The following NARS2 variants were observed in gnomAD, a reference collection of about 807,000 sequenced individuals.
The protein encoded by NARS2 is asparaginyl-tRNA synthetase 2, mitochondrial, also known as asparaginyl-tRNA synthetase.
A neutral mutation model predicts 62.9 loss-of-function variants in NARS2; 60 were observed. That is an observed-to-expected ratio of 0.95 (90% CI 0.77 to 1.18). The LOEUF is 1.18. Ranked by LOEUF, NARS2 falls within the 50% of genes most tolerant of loss-of-function variation. The pLI, the probability that NARS2 is intolerant of heterozygous loss-of-function variation, is 0.00. For synonymous variants in NARS2, 196 were observed against 200.0 expected, an observed-to-expected ratio of 0.98 and a Z score of 0.17; for missense variants, 619 against 576.4, an observed-to-expected ratio of 1.07 and a Z score of -0.76.
intron 7 of NARS2, among the ~76,000 whole-genome samples, chr11:78,488,589 C>A (rs12295220): frequency 6.8e-4 from 103 of 152,188 alleles, no homozygotes; most frequent in African/African-American, 2.2e-3. Context: ...ATAATAAATT[C>A]GAGTTGTTTT....
intron 4 of NARS2, among the ~76,000 whole-genome samples, chr11:78,565,284 A>G (rs1400320985): frequency 6.6e-6 from 1 of 152,236 alleles, no homozygotes; most frequent in East Asian, 1.9e-4. Flanking sequence ...TTTACACAAA[A>G]TATAGATCTA....
intron 6 of NARS2, among the ~76,000 whole-genome samples, chr11:78,494,476 T>C (rs966340145): frequency 1.3e-5 from 2 of 149,740 alleles, no homozygotes; most frequent in African/African-American, 2.4e-5. Flanking sequence ...TTTCTTTTTT[T>C]TTTTTTTTTT....
intron 6 of NARS2, among the ~76,000 whole-genome samples, chr11:78,514,565 A>AT (rs1186225341): frequency 1.3e-5 from 2 of 152,224 alleles, no homozygotes; most frequent in African/African-American, 4.8e-5. Flanking sequence ...CTCACTGGGA[A>AT]TTTTTTAAAA....
intron 13 of NARS2, 103 bp from the exon 14 acceptor site, chr11:78,436,917 G>T: frequency 8.5e-7 from 1 of 1,171,412 alleles, no homozygotes; most frequent in South Asian, 1.4e-5. Context: ...ATTTGTTATT[G>T]TTTACCTCAC....
At chr11:78,485,532 C>G (rs17753400) in intron 7 of NARS2, among the ~76,000 whole-genome samples, 7 of 152,156 alleles carry the variant, frequency 4.6e-5, no homozygotes, top group African/African-American at 1.7e-4. Context: ...ATTTTAGTTC[C>G]ATTTTTACCT....
chr11:78,482,004 T>G (rs1243122139), intron 7 of NARS2, among the ~76,000 whole-genome samples: 1 of 152,124 alleles, frequency 6.6e-6, no homozygotes, highest in Non-Finnish European at 1.5e-5. Context: ...ACATGAATAT[T>G]CTTAAGTGTC....
intron 11 of NARS2, among the ~76,000 whole-genome samples, chr11:78,448,393 T>G (rs1361769231): frequency 1.3e-5 from 2 of 151,248 alleles, no homozygotes; most frequent in South Asian, 4.2e-4. Flanking sequence ...CTTGGCTCAC[T>G]GCAACCTCCG....
Position 78,513,937 on chromosome 11 carries a change from G to A in NARS2, c.689+14905C>T, listed in dbSNP as rs117020827. On this transcript the variant is annotated intron_variant, in intron 6 of 13. Coordinates refer to ENST00000281038, the MANE Select transcript of NARS2 (RefSeq NM_024678.6). ...ATGTGATGTGATCATTTAAAAGTATGTGACACACCCCCCTACACACACACT... is the reference window on the plus strand; with the variant it reads ...ATGTGATGTGATCATTTAAAAGTATATGACACACCCCCCTACACACACACT... Among the ~76,000 whole-genome samples the A allele has an allele frequency of 7.5e-3, 1,140 of 152,100 alleles. 24 individuals are homozygous for A. Among genetic ancestry groups the A allele is most frequent in the East Asian group, 0.033 (172 of 5,172 alleles).
At chr11:78,465,855 T>C (rs1288721650) in intron 11 of NARS2, 21 bp downstream of exon 11, 1 of 1,613,586 alleles carries the variant, frequency 6.2e-7, no homozygotes, top group Non-Finnish European at 8.5e-7. Context: ...TAACCCCAAT[T>C]TATTTAGTAT....
At position 78,468,314 on chromosome 11, in the gene NARS2, A is replaced by G. The variant is rs1259402878; in HGVS notation, c.1026+933T>C. ...GCTTCTGCAAGCACTAAATCTGAAA[A>G]AAAAAAAAAAAAAAGAAAAAAAAGA... is the stretch of plus-strand genomic sequence containing the variant. On this transcript the variant is annotated intron_variant, in intron 10 of 13. Coordinates refer to ENST00000281038, the MANE Select transcript of NARS2 (RefSeq NM_024678.6). 1.6e-4 allele frequency among the ~76,000 whole-genome samples: 23 copies of G among 145,726 alleles called. No individual in the cohort carries two copies. In the East Asian group the frequency reaches 1.7e-3, roughly 11 times the overall value.
At chr11:78,544,881 G>A (rs1007881123) in intron 5 of NARS2, among the ~76,000 whole-genome samples, 3 of 151,774 alleles carry the variant, frequency 2.0e-5, no homozygotes, top group Non-Finnish European at 4.4e-5. Flanking sequence ...TCAGGAGGCT[G>A]AGGCAGAAGA....
chr11:78,498,441 G>T lies in NARS2; in HGVS notation c.690-5246C>A, dbSNP rs572318565. On this transcript the variant is annotated intron_variant, in intron 6 of 13. Transcript: ENST00000281038. ...CCCTAGAACCTTTAACTTTTCTCCC[G>T]ATACTTTTCCTTATATGATTTCCCT... Among the ~76,000 whole-genome samples the T allele has an allele frequency of 5.3e-5, 8 of 152,148 alleles. No homozygotes were observed. The East Asian group carries it at 1.4e-3, about 26-fold the overall frequency.
At chr11:78,529,370 T>C (rs906592304) in intron 5 of NARS2, among the ~76,000 whole-genome samples, 8 of 152,232 alleles carry the variant, frequency 5.3e-5, no homozygotes, top group African/African-American at 1.2e-4. Context: ...AAAATATTAA[T>C]AGTAATGCTT....
chr11:78,504,437 T>TG (rs1555025738), intron 6 of NARS2, among the ~76,000 whole-genome samples: 2,276 of 20,998 alleles, frequency 0.11, 83 homozygotes, highest in African/African-American at 0.17. Context: ...AACACCAGTT[T>TG]TTTTTTTTTT....
chr11:78,562,224 G>C (rs115038448), intron 4 of NARS2, among the ~76,000 whole-genome samples: 1,642 of 152,044 alleles, frequency 0.011, 31 homozygotes, highest in African/African-American at 0.039. Context: ...AGGAGTTCAA[G>C]ACCAGCTTAG....
At chr11:78,444,727 CAA>C (rs1391489970) in intron 11 of NARS2, among the ~76,000 whole-genome samples, 7 of 92,388 alleles carry the variant, frequency 7.6e-5, no homozygotes, top group Admixed American at 1.0e-4. Context: ...TCAAACAAAA[CAA>C]AAAAAAAAAA....
At chr11:78,478,027 G>C (rs932725749) in intron 9 of NARS2, among the ~76,000 whole-genome samples, 8 of 152,030 alleles carry the variant, frequency 5.3e-5, no homozygotes, top group Admixed American at 5.2e-4. Context: ...AGATCACTGT[G>C]GTAATCTCTT....
intron 4 of NARS2, among the ~76,000 whole-genome samples, chr11:78,564,155 C>T (rs1181691504): frequency 6.6e-6 from 1 of 151,650 alleles, no homozygotes; most frequent in East Asian, 2.0e-4. Flanking sequence ...CTGCCTTGGC[C>T]TCCCAAAGTG....
intron 13 of NARS2, among the ~76,000 whole-genome samples, chr11:78,438,714 G>A (rs1279526236): frequency 6.6e-6 from 1 of 152,160 alleles, no homozygotes; most frequent in Non-Finnish European, 1.5e-5. Context: ...GAGATGCTAC[G>A]AAATTTGTGG....
Sources: gnomAD v4.1 joint callset for allele counts (sites outside exome capture counted in the v4.1 genomes callset) on GRCh38, gnomAD v4.1.1 for gene constraint, MANE v1.5 for transcripts, NCBI Gene and HGNC (gene_info 2026-07-23, HGNC 2026-07-21) for gene names.